USP7: variants seen among roughly 807,000 people sequenced by gnomAD.
USP7 encodes the protein ubiquitin C-terminal hydrolase 7.
In USP7, 9 loss-of-function variants were observed where a neutral mutation model predicts 162.9. The observed-to-expected ratio is 0.06, with a 90% CI of 0.03 to 0.10. The LOEUF (loss-of-function observed/expected upper bound fraction) is 0.10, where lower values mean the gene tolerates loss of function less well. Ranked by LOEUF, USP7 falls within the 10% of genes least tolerant of loss-of-function variation. The pLI is 1.00. For synonymous variants in USP7, 562 were observed against 475.9 expected, an observed-to-expected ratio of 1.18 and a Z score of -2.35; for missense variants, 715 against 1,373.7, an observed-to-expected ratio of 0.52 and a Z score of 7.58.
chr16:8,906,634 T>A, intron 12 of USP7, 52 bp from the exon 13 acceptor site: 1 of 1,557,280 alleles, frequency 6.4e-7, no homozygotes, highest in African/African-American at 1.4e-5. Flanking sequence ...ACAAAAAATA[T>A]CACACTTTAC....
chr16:8,904,713 C>T lies in USP7; in HGVS notation c.1574-148G>A, dbSNP rs542449150. 229 of 1,211,306 alleles carry T rather than the reference C, an allele frequency of 1.9e-4. No individual in the cohort carries two copies. The African/African-American group carries it at 2.7e-3, about 14-fold the overall frequency. 75.0% of individuals were successfully genotyped at this position (1,211,306 alleles called of 1,614,324 possible). A position where few individuals can be genotyped will look rare whatever the true frequency, so the allele number is the denominator to read the frequency against. On this transcript the variant is annotated intron_variant, in intron 14 of 30. Coordinates refer to ENST00000344836, the MANE Select transcript of USP7 (RefSeq NM_003470.3). Reference sequence around the variant, plus strand: ...ATCCCAGCACTTTGGGAGGCTGAGGCGGGCCGATCACGAGGTCAGGAAATC... The same window carrying T: ...ATCCCAGCACTTTGGGAGGCTGAGGTGGGCCGATCACGAGGTCAGGAAATC...
intron 15 of USP7, among the ~76,000 whole-genome samples, chr16:8,904,166 C>T (rs1720076769): frequency 6.6e-6 from 1 of 152,166 alleles, no homozygotes; most frequent in Non-Finnish European, 1.5e-5. Flanking sequence ...CACAACAGTC[C>T]CGGTTTGTGT....
intron 1 of USP7, among the ~76,000 whole-genome samples, chr16:8,951,460 G>A (rs1174035698): frequency 1.3e-5 from 2 of 152,056 alleles, no homozygotes; most frequent in Admixed American, 1.3e-4. Flanking sequence ...CGGGGAGCAG[G>A]GGGCTCACCC....
At chr16:8,920,149 C>T (rs948894900) in intron 5 of USP7, among the ~76,000 whole-genome samples, 2 of 152,176 alleles carry the variant, frequency 1.3e-5, no homozygotes, top group African/African-American at 4.8e-5. Flanking sequence ...CATAATTATA[C>T]AATTATGTTC....
chr16:8,929,627 G>C (rs1298664853), intron 2 of USP7: 2 of 455,516 alleles, frequency 4.4e-6, no homozygotes, highest in Non-Finnish European at 8.8e-6. Flanking sequence ...AGACTCCAGG[G>C]GCTGCATACT....
At chr16:8,925,915 G>A (rs1462659506) in intron 2 of USP7, among the ~76,000 whole-genome samples, 1 of 152,222 alleles carries the variant, frequency 6.6e-6, no homozygotes, top group African/African-American at 2.4e-5. Context: ...AGCACTTTGG[G>A]AGGCAGAGGC....
At chr16:8,894,223 G>A in intron 30 of USP7, 119 bp from the exon 31 acceptor site, 1 of 942,108 alleles carries the variant, frequency 1.1e-6, no homozygotes, top group Non-Finnish European at 1.7e-6. Flanking sequence ...TCGCAGGGAA[G>A]CCAGGACCTG....
chr16:8,933,304 TG>T (rs1383855229), intron 1 of USP7, among the ~76,000 whole-genome samples: 3 of 151,988 alleles, frequency 2.0e-5, no homozygotes, highest in Admixed American at 6.6e-5. Flanking sequence ...CCAGCACTTG[TG>T]GGGGGCCAAG....
rs747642811 is a variant in USP7 at position 8,910,845 on chromosome 16, GAA to G, written c.1079-20_1079-19del. The G allele has an allele frequency of 3.1e-6, 5 of 1,594,706 alleles. No individual in the cohort carries two copies. Among genetic ancestry groups the G allele is most frequent in the African/African-American group, 1.3e-5 (1 of 74,460 alleles). On this transcript the variant is annotated intron_variant, in intron 10 of 30. Coordinates refer to ENST00000344836, the MANE Select transcript of USP7 (RefSeq NM_003470.3). ...TTCAAATACTTTAAAGAGAGAGAGA[GAA>G]AAGTCAAGTGCTAAAGCTTCATTTA...
intron 1 of USP7, among the ~76,000 whole-genome samples, chr16:8,961,548 T>C (rs1462621933): frequency 1.3e-5 from 2 of 148,702 alleles, no homozygotes; most frequent in Non-Finnish European, 3.0e-5. Context: ...ACCTGGTCAT[T>C]TTCCCAAAGA....
At chr16:8,912,751 T>C (rs182333193) in intron 10 of USP7, among the ~76,000 whole-genome samples, 161 of 148,588 alleles carry the variant, frequency 1.1e-3, no homozygotes, top group Non-Finnish European at 5.4e-4. Context: ...CAGCAAGACC[T>C]TGTCTCCAAA....
intron 25 of USP7, 110 bp from the exon 26 acceptor site, chr16:8,897,209 G>A (rs944534017): frequency 6.5e-5 from 54 of 829,208 alleles, no homozygotes; most frequent in Non-Finnish European, 9.3e-5. Context: ...TCCCCAGCTG[G>A]CCCCCATGTT....
At chr16:8,948,686 T>G (rs1319321285) in intron 1 of USP7, among the ~76,000 whole-genome samples, 1 of 152,162 alleles carries the variant, frequency 6.6e-6, no homozygotes, top group East Asian at 1.9e-4. Flanking sequence ...ACGATGTGGA[T>G]GAACCTTGAG....
chr16:8,937,542 A>T (rs1194562749), intron 1 of USP7, among the ~76,000 whole-genome samples: 3 of 152,052 alleles, frequency 2.0e-5, no homozygotes, highest in Non-Finnish European at 4.4e-5. Context: ...ACTCTGTCTC[A>T]AAAAATAATA....
intron 2 of USP7, among the ~76,000 whole-genome samples, chr16:8,926,080 G>C (rs1008746112): frequency 2.0e-5 from 3 of 152,076 alleles, no homozygotes; most frequent in African/African-American, 4.8e-5. Context: ...CGTGAACCCG[G>C]GAGGCGAAGC....
intron 1 of USP7, among the ~76,000 whole-genome samples, chr16:8,948,393 C>T (rs543547137): frequency 6.6e-6 from 1 of 152,316 alleles, no homozygotes; most frequent in South Asian, 2.1e-4. Context: ...CCATGTTGCC[C>T]AGGCTGATCT....
intron 2 of USP7, 130 bp from the exon 3 acceptor site, chr16:8,923,543 G>A: frequency 1.0e-6 from 1 of 972,098 alleles, no homozygotes; most frequent in African/African-American, 1.6e-5. Context: ...TGAAAAAATT[G>A]CTTCCAATTT....
chr16:8,945,279 G>C (rs1899227776), intron 1 of USP7, among the ~76,000 whole-genome samples: 1 of 152,092 alleles, frequency 6.6e-6, no homozygotes, highest in Non-Finnish European at 1.5e-5. Context: ...AGCTACTCGG[G>C]AGGCTGAGGC....
At chr16:8,929,931 C>G (rs1898225032) in intron 2 of USP7, among the ~76,000 whole-genome samples, 1 of 152,158 alleles carries the variant, frequency 6.6e-6, no homozygotes, top group Non-Finnish European at 1.5e-5. Context: ...CAATGGAAAG[C>G]CAAGTTCCAA....
Sources: gnomAD v4.1 joint callset for allele counts (sites outside exome capture counted in the v4.1 genomes callset) on GRCh38, gnomAD v4.1.1 for gene constraint, MANE v1.5 for transcripts, NCBI Gene and HGNC (gene_info 2026-07-23, HGNC 2026-07-21) for gene names.